NYAP2: variants seen among roughly 807,000 people sequenced by gnomAD.
NYAP2 encodes the protein neuronal tyrosine-phosphorylated phosphoinositide-3-kinase adapter 2.
A neutral mutation model predicts 50.4 loss-of-function variants in NYAP2; 23 were observed. The observed-to-expected ratio is 0.46, with a 90% CI of 0.33 to 0.65. The LOEUF (loss-of-function observed/expected upper bound fraction) is 0.65. Among genes scored for constraint, NYAP2 ranks in the 30% least tolerant of loss-of-function variants. The pLI, the probability that NYAP2 is intolerant of heterozygous loss-of-function variation, is 0.02. For missense variants in NYAP2, 885 were observed against 861.0 expected (o/e 1.03, Z -0.35); for synonymous variants, 394 against 365.2 (o/e 1.08, Z -0.90).
intron 3 of NYAP2, among the ~76,000 whole-genome samples, chr2:225,469,608 CATCAATGATAGACTGG>C (rs1403172144): frequency 1.3e-5 from 2 of 152,154 alleles, no homozygotes; most frequent in African/African-American, 4.8e-5. Context: ...CCCAAATGTC[CATCAATGATAGACTGG>C]ATAAAGAAAA....
At position 225,582,682 on chromosome 2, in the gene NYAP2, G is replaced by C. The variant is rs377307715; in HGVS notation, c.1265G>C (p.Arg422Pro). The change falls in exon 5 of 7, where the codon CGA (arginine) becomes CCA (proline). Residue 422 changes from arginine to proline, a missense_variant. Physicochemically the swap from Arg to Pro is moderately radical, Grantham distance 103 (BLOSUM62 -2). Coordinates refer to ENST00000636099, the Ensembl canonical transcript of NYAP2. The surrounding 1 kb of genome is among the most constrained non-coding windows in gnomAD (Gnocchi z 7.0). ...CCCCCACCCCCGTCTACGCTGTACCGAACCCAGTCTCCCCATGGCTACCCT... is the reference window on the plus strand; with the variant it reads ...CCCCCACCCCCGTCTACGCTGTACCCAACCCAGTCTCCCCATGGCTACCCT... 2 of 1,599,442 alleles carry C rather than the reference G, an allele frequency of 1.3e-6. No individual in the cohort carries two copies. The highest frequency in any genetic ancestry group is 1.3e-5 in the African/African-American group (1 of 74,146).
chr2:225,524,337 A>T (rs1691116737), intron 4 of NYAP2, among the ~76,000 whole-genome samples: 1 of 152,140 alleles, frequency 6.6e-6, no homozygotes, highest in Non-Finnish European at 1.5e-5. Flanking sequence ...AGGTTGGAAG[A>T]CTCAGCAAGT....
intron 5 of NYAP2, among the ~76,000 whole-genome samples, chr2:225,611,901 TACACACACACACACACACAC>T (rs147331159): frequency 1.2e-4 from 18 of 145,616 alleles, no homozygotes; most frequent in South Asian, 2.2e-4. Context: ...TGTGTGTGTA[TACACACACACACACACACAC>T]ACACACACAC....
intron 5 of NYAP2, among the ~76,000 whole-genome samples, chr2:225,589,516 A>AAAATATATACATATATATATAT (rs112700820): frequency 1.4e-5 from 1 of 71,342 alleles, no homozygotes; most frequent in South Asian, 5.4e-4. Context: ...CTAAAAGTAA[A>AAAATATATACATATATATATAT]ATATATATAT....
At chr2:225,421,386 A>G (rs1272926375) in intron 3 of NYAP2, among the ~76,000 whole-genome samples, 1 of 152,224 alleles carries the variant, frequency 6.6e-6, no homozygotes, top group African/African-American at 2.4e-5. Context: ...TTTTTAGGAG[A>G]ACATTATTCT....
chr2:225,588,725 C>A (rs924333176), intron 5 of NYAP2, among the ~76,000 whole-genome samples: 1 of 152,156 alleles, frequency 6.6e-6, no homozygotes, highest in Non-Finnish European at 1.5e-5. Flanking sequence ...CTTGGTAACT[C>A]AGGGTCATTG....
intron 2 of NYAP2, among the ~76,000 whole-genome samples, chr2:225,402,736 T>G (rs1694883401): frequency 6.6e-6 from 1 of 152,074 alleles, no homozygotes; most frequent in Admixed American, 6.6e-5. Context: ...TTTCCCATTT[T>G]GGGCAGAACA....
At chr2:225,445,118 A>C in intron 3 of NYAP2, among the ~76,000 whole-genome samples, 1 of 152,144 alleles carries the variant, frequency 6.6e-6, no homozygotes, top group Admixed American at 6.6e-5. Flanking sequence ...CGAAACATTA[A>C]AAACATGTTT....
intron 3 of NYAP2, among the ~76,000 whole-genome samples, chr2:225,465,319 C>T (rs1394496880): frequency 2.0e-5 from 3 of 152,080 alleles, no homozygotes; most frequent in Non-Finnish European, 4.4e-5. Context: ...TATATTCTGT[C>T]AACCTCTGTG....
At chr2:225,627,010 C>A in exon 6 of NYAP2, 1 of 1,592,374 alleles carries the variant, frequency 6.3e-7, no homozygotes, top group East Asian at 2.3e-5. Context: ...GCGTCTTCCT[C>A]CAGAGAGCCT....
At chr2:225,472,631 A>C (rs749536680) in intron 3 of NYAP2, among the ~76,000 whole-genome samples, 13 of 152,206 alleles carry the variant, frequency 8.5e-5, no homozygotes, top group Non-Finnish European at 1.3e-4. Flanking sequence ...GCTGTGTAAA[A>C]ATCATAGGAA....
At chr2:225,655,929 TACACACATAC>T (rs1225532194), downstream of NYAP2, among the ~76,000 whole-genome samples, 4 of 62,266 alleles carry the variant, frequency 6.4e-5, no homozygotes, top group South Asian at 6.3e-4. Flanking sequence ...CACACACACA[TACACACATAC>T]ACACACACAC....
chr2:225,684,306 T>A, the NYAP2 span, among the ~76,000 whole-genome samples: 1 of 152,038 alleles, frequency 6.6e-6, no homozygotes. Flanking sequence ...TGTGTGGAGA[T>A]CACAATTGGG....
chr2:225,651,798 T>C lies in NYAP2; in HGVS notation c.*233T>C, dbSNP rs141614932. The C allele has an allele frequency of 2.0e-4, 101 of 503,948 alleles. 1 individual carries two copies. Among genetic ancestry groups the C allele is most frequent in the African/African-American group, 1.9e-3 (97 of 51,296 alleles). 31.2% of individuals were successfully genotyped at this position (503,948 alleles called of 1,614,324 possible). A position where few individuals can be genotyped will look rare whatever the true frequency, so the allele number is the denominator to read the frequency against. On this transcript the variant is annotated 3_prime_UTR_variant, in exon 7 of 7. Coordinates refer to ENST00000636099, the Ensembl canonical transcript of NYAP2. Reference sequence around the variant, plus strand: ...TCGTTTTTGTCTCTGGTTTCCATCATTCTGTAATATAAATGTAGTAAACTT... The same window carrying C: ...TCGTTTTTGTCTCTGGTTTCCATCACTCTGTAATATAAATGTAGTAAACTT...
chr2:225,693,728 A>G, the NYAP2 span, among the ~76,000 whole-genome samples: 1 of 151,950 alleles, frequency 6.6e-6, no homozygotes, highest in Admixed American at 6.6e-5. Flanking sequence ...TGCACCTCCC[A>G]ATCACCTTGA....
chr2:225,417,226 A>C lies in NYAP2; in HGVS notation c.221+8125A>C, dbSNP rs543144064. 2.0e-5 allele frequency among the ~76,000 whole-genome samples: 3 copies of C among 152,280 alleles called. No homozygotes were observed. The South Asian group carries it at 6.2e-4, about 32-fold the overall frequency. ...CCTAGAGAATGTGTGTAATGTAACA[A>C]ATGAAACTGCTAGAATAGAGCCTGA... is the stretch of plus-strand genomic sequence containing the variant. On this transcript the variant is annotated intron_variant, in intron 3 of 6. Coordinates refer to ENST00000636099, the Ensembl canonical transcript of NYAP2.
chr2:225,682,129 G>A, the NYAP2 span, among the ~76,000 whole-genome samples: 1 of 152,096 alleles, frequency 6.6e-6, no homozygotes, highest in African/African-American at 2.4e-5. Flanking sequence ...GTAGCCAACT[G>A]AGAAAAGCAT....
chr2:225,626,859 G>C (rs1693218238), intron 5 of NYAP2, 58 bp from the exon 6 acceptor site: 1 of 1,318,176 alleles, frequency 7.6e-7, no homozygotes, highest in Non-Finnish European at 1.1e-6. Context: ...TTTTTTGAAA[G>C]TAATTTAGGA....
intron 3 of NYAP2, among the ~76,000 whole-genome samples, chr2:225,488,157 A>C (rs1031117190): frequency 6.6e-6 from 1 of 152,232 alleles, no homozygotes; most frequent in African/African-American, 2.4e-5. Context: ...AAAAGGAATG[A>C]CAGAAAAATC....
Sources: allele counts gnomAD v4.1 joint callset (sites outside exome capture counted in the v4.1 genomes callset), GRCh38; gene constraint gnomAD v4.1.1; non-coding constraint Gnocchi (gnomAD v3.1); transcripts MANE v1.5; gene names NCBI Gene and HGNC (gene_info 2026-07-23, HGNC 2026-07-21).